Variants in MCTP1 observed in about 807,000 individuals in gnomAD.
MCTP1 encodes the protein multiple C2 and transmembrane domain-containing protein 1.
In MCTP1, 69 loss-of-function variants were observed where a neutral mutation model predicts 120.6. That is an observed-to-expected ratio of 0.57 (90% confidence interval 0.47 to 0.70). The LOEUF (loss-of-function observed/expected upper bound fraction) is 0.70, where lower values mean the gene tolerates loss of function less well. Among genes scored for constraint, MCTP1 ranks in the 30% least tolerant of loss-of-function variants. The pLI, the probability that MCTP1 is intolerant of heterozygous loss-of-function variation, is 0.00. For missense variants in MCTP1, 1,203 were observed against 1,248.8 expected, an observed-to-expected ratio of 0.96 and a Z score of 0.55; for synonymous variants, 529 against 493.1, an observed-to-expected ratio of 1.07 and a Z score of -0.96.
intron 2 of MCTP1, among the ~76,000 whole-genome samples, chr5:94,992,927 T>A (rs866767487): frequency 1.3e-5 from 2 of 152,230 alleles, no homozygotes; most frequent in African/African-American, 4.8e-5. Context: ...AGACTGCTAA[T>A]AAAATATCAT....
At chr5:94,872,178 A>G (rs1013206215) in intron 13 of MCTP1, among the ~76,000 whole-genome samples, 1 of 152,146 alleles carries the variant, frequency 6.6e-6, no homozygotes, top group African/African-American at 2.4e-5. Context: ...AAGTGAATAT[A>G]TTCATTACTG....
At chr5:94,914,910 G>A (rs1201358752) in intron 8 of MCTP1, among the ~76,000 whole-genome samples, 1 of 152,192 alleles carries the variant, frequency 6.6e-6, no homozygotes, top group African/African-American at 2.4e-5. Context: ...TAATCCAGCT[G>A]TAGATTTTGG....
intron 20 of MCTP1, among the ~76,000 whole-genome samples, chr5:94,713,226 G>A (rs917747537): frequency 4.0e-5 from 6 of 151,770 alleles, no homozygotes; most frequent in African/African-American, 1.5e-4. Flanking sequence ...CTTTTTTTTA[G>A]CATCCAAAAG....
chr5:94,814,854 C>T (rs1784174519), intron 17 of MCTP1, among the ~76,000 whole-genome samples: 1 of 152,128 alleles, frequency 6.6e-6, no homozygotes, highest in Non-Finnish European at 1.5e-5. Flanking sequence ...GAAAGCACTA[C>T]TGGATAAATA....
intron 1 of MCTP1, among the ~76,000 whole-genome samples, chr5:95,102,690 C>A (rs1756827277): frequency 6.6e-6 from 1 of 151,514 alleles, no homozygotes; most frequent in Admixed American, 6.5e-5. Flanking sequence ...TTGTAACAAT[C>A]CATGATTACA....
intron 2 of MCTP1, among the ~76,000 whole-genome samples, chr5:94,985,916 GAA>G (rs1830344800): frequency 1.3e-5 from 2 of 152,280 alleles, no homozygotes; most frequent in Non-Finnish European, 2.9e-5. Context: ...ATGGTTGGTA[GAA>G]AAGTTTTATT....
intron 1 of MCTP1, among the ~76,000 whole-genome samples, chr5:95,099,476 AT>A (rs1262119681): frequency 1.3e-5 from 2 of 152,266 alleles, no homozygotes; most frequent in East Asian, 3.9e-4. Context: ...ATGAACAGAC[AT>A]TTCTCAAAAG....
At chr5:95,172,937 C>A (rs887293593) in intron 1 of MCTP1, among the ~76,000 whole-genome samples, 2 of 152,034 alleles carry the variant, frequency 1.3e-5, no homozygotes, top group East Asian at 1.9e-4. Context: ...GAACATAGTC[C>A]CTCTTCATTT....
intron 1 of MCTP1, among the ~76,000 whole-genome samples, chr5:95,048,381 C>T (rs565839440): frequency 5.0e-4 from 76 of 152,174 alleles, no homozygotes; most frequent in Non-Finnish European, 9.8e-4. Context: ...CAATTTGTCA[C>T]TGGGATTAAT....
intron 12 of MCTP1, among the ~76,000 whole-genome samples, chr5:94,886,064 G>A (rs914087650): frequency 5.9e-5 from 9 of 152,080 alleles, no homozygotes; most frequent in Admixed American, 3.9e-4. Context: ...AACTACCCTC[G>A]ACTATCAACA....
chr5:95,148,402 AT>A (rs1760606880), intron 1 of MCTP1, among the ~76,000 whole-genome samples: 4 of 152,158 alleles, frequency 2.6e-5, no homozygotes, highest in South Asian at 2.1e-4. Flanking sequence ...TTCTTTAAAC[AT>A]TTTTTTCTTT....
chr5:95,265,484 A>C (rs570592620), intron 1 of MCTP1, among the ~76,000 whole-genome samples: 4 of 152,318 alleles, frequency 2.6e-5, no homozygotes, highest in South Asian at 4.2e-4. Context: ...CCCTCTAACA[A>C]AGCTCTTTCT....
chr5:94,730,201 C>T (rs959900249), intron 19 of MCTP1, among the ~76,000 whole-genome samples: 4 of 152,220 alleles, frequency 2.6e-5, no homozygotes, highest in African/African-American at 7.2e-5. Flanking sequence ...CACTCTGTCA[C>T]CCAGGCTGCA....
At chr5:94,922,783 C>T (rs767725746) in intron 7 of MCTP1, among the ~76,000 whole-genome samples, 4 of 152,008 alleles carry the variant, frequency 2.6e-5, no homozygotes, top group Non-Finnish European at 4.4e-5. Flanking sequence ...CCACCAGGCC[C>T]GGCCAGTGAA....
chr5:94,853,071 C>T (rs1794063234), intron 17 of MCTP1, among the ~76,000 whole-genome samples: 1 of 151,810 alleles, frequency 6.6e-6, no homozygotes, highest in South Asian at 2.1e-4. Flanking sequence ...CCAATAAAGG[C>T]TATTGTTTGT....
intron 1 of MCTP1, among the ~76,000 whole-genome samples, chr5:95,061,408 G>GTTTTTT (rs556663513): frequency 6.0e-5 from 2 of 33,490 alleles, no homozygotes; most frequent in African/African-American, 2.0e-4. Context: ...CCCCTTAAGG[G>GTTTTTT]TTTTTTTTTT....
intron 2 of MCTP1, among the ~76,000 whole-genome samples, chr5:95,008,896 G>A (rs1186046917): frequency 1.3e-5 from 2 of 152,040 alleles, no homozygotes; most frequent in Admixed American, 1.3e-4. Context: ...TGGGCACAGT[G>A]GCTTACACTT....
intron 19 of MCTP1, among the ~76,000 whole-genome samples, chr5:94,718,260 G>GA (rs1028751606): frequency 6.6e-6 from 1 of 152,106 alleles, no homozygotes. Context: ...AAGCAATGAG[G>GA]AAAGGATTCC....
chr5:94,780,375 G>C (rs370512794), intron 18 of MCTP1, among the ~76,000 whole-genome samples: 1 of 151,760 alleles, frequency 6.6e-6, no homozygotes, highest in Non-Finnish European at 1.5e-5. Context: ...TCAGAACTCC[G>C]TTATTCCTAA....
Sources: allele counts gnomAD v4.1 joint callset (sites outside exome capture counted in the v4.1 genomes callset), GRCh38; gene constraint gnomAD v4.1.1; transcripts MANE v1.5; gene names NCBI Gene and HGNC (gene_info 2026-07-23, HGNC 2026-07-21).